RASGEF1C: variants seen among roughly 807,000 people sequenced by gnomAD.
RASGEF1C encodes the protein RasGEF domain family member 1C.
A neutral mutation model predicts 58.1 loss-of-function variants in RASGEF1C; 27 were observed. The observed-to-expected ratio is 0.46, with a 90% CI of 0.34 to 0.64. The LOEUF is 0.64. Ranked by LOEUF, RASGEF1C falls within the 30% of genes least tolerant of loss-of-function variation. RASGEF1C has a pLI of 0.01. For missense variants in RASGEF1C, 502 were observed against 605.1 expected (o/e 0.83, Z 1.79); for synonymous variants, 243 against 246.3 (o/e 0.99, Z 0.13).
At chr5:180,104,165 G>T (rs1417570924) in intron 12 of RASGEF1C, among the ~76,000 whole-genome samples, 1 of 152,074 alleles carries the variant, frequency 6.6e-6, no homozygotes, top group East Asian at 1.9e-4. Flanking sequence ...TTAGTATCAG[G>T]GTAATACTGG....
intron 1 of RASGEF1C, among the ~76,000 whole-genome samples, chr5:180,140,931 T>G (rs10067359): frequency 0.94 from 142,847 of 152,224 alleles, 67,721 homozygotes; most frequent in East Asian, 1. Context: ...CTCCTGGAAG[T>G]GTAGTGGGGA....
chr5:180,144,992 A>G (rs1766641598), intron 1 of RASGEF1C, among the ~76,000 whole-genome samples: 1 of 152,208 alleles, frequency 6.6e-6, no homozygotes, highest in South Asian at 2.1e-4. Context: ...TTCCTTTTTA[A>G]GGCTGAATAC....
chr5:180,124,506 A>T (rs1267457122), intron 6 of RASGEF1C, among the ~76,000 whole-genome samples: 1 of 152,248 alleles, frequency 6.6e-6, no homozygotes, highest in African/African-American at 2.4e-5. Context: ...CGTTTATCTC[A>T]GAAATGCAAA....
In RASGEF1C at chr5:180,139,618, C is replaced by T. The variant is rs963279640; in HGVS notation, c.-6-1560G>A. Among the ~76,000 whole-genome samples the T allele has an allele frequency of 3.3e-5, 5 of 152,202 alleles. No homozygotes were observed. The East Asian group carries it at 7.7e-4, about 23-fold the overall frequency. ...GCCATGGTGACAGACAGCTTATTTT[C>T]GCCTCCCTGACAATGCTGTAAGTGT... On this transcript the variant is annotated intron_variant, in intron 1 of 13. Coordinates refer to ENST00000361132, the MANE Select transcript of RASGEF1C (RefSeq NM_175062.4).
At chr5:180,163,873 T>G (rs770535041) in intron 1 of RASGEF1C, among the ~76,000 whole-genome samples, 2 of 152,216 alleles carry the variant, frequency 1.3e-5, no homozygotes, top group African/African-American at 2.4e-5. Flanking sequence ...TGGAGATTTC[T>G]TTTTCTAAGA....
At chr5:180,124,447 C>T (rs1042282291) in intron 6 of RASGEF1C, among the ~76,000 whole-genome samples, 2 of 152,138 alleles carry the variant, frequency 1.3e-5, no homozygotes, top group African/African-American at 2.4e-5. Context: ...ATTAGCAAAC[C>T]AAATCCAGGG....
chr5:180,190,575 G>GA (rs1756146376), intron 1 of RASGEF1C, among the ~76,000 whole-genome samples: 1 of 145,878 alleles, frequency 6.9e-6, no homozygotes, highest in African/African-American at 2.5e-5. Context: ...ACTACTTGGG[G>GA]GGCTGTAGTA....
intron 1 of RASGEF1C, among the ~76,000 whole-genome samples, chr5:180,146,872 T>C (rs1033438147): frequency 4.6e-5 from 7 of 152,228 alleles, no homozygotes; most frequent in Non-Finnish European, 2.9e-5. Flanking sequence ...AGGAAAAGTT[T>C]GAGAAGCATT....
intron 10 of RASGEF1C, 77 bp downstream of exon 10, chr5:180,118,532 G>A (rs1042318646): frequency 7.7e-7 from 1 of 1,295,660 alleles, no homozygotes; most frequent in Non-Finnish European, 1.1e-6. Flanking sequence ...GGGGGCAGGA[G>A]CTGCAGCAAG....
chr5:180,174,604 ACG>A (rs1316320360), intron 1 of RASGEF1C, among the ~76,000 whole-genome samples: 1 of 112,692 alleles, frequency 8.9e-6, no homozygotes, highest in East Asian at 2.7e-4. Context: ...GTGTGTGTGC[ACG>A]CATGTGTGTG....
At chr5:180,176,811 C>G (rs562265224) in intron 1 of RASGEF1C, among the ~76,000 whole-genome samples, 1 of 152,190 alleles carries the variant, frequency 6.6e-6, no homozygotes, top group Non-Finnish European at 1.5e-5. Context: ...CCGCCTCGGC[C>G]TCCCAAAGTG....
intron 1 of RASGEF1C, among the ~76,000 whole-genome samples, chr5:180,148,881 C>T (rs1397729739): frequency 6.6e-6 from 1 of 152,112 alleles, no homozygotes; most frequent in Admixed American, 6.5e-5. Flanking sequence ...TTTAGTATTT[C>T]TCCTAGGTAG....
At position 180,117,304 on chromosome 5, in the gene RASGEF1C, C is replaced by T. The variant is rs541442183; in HGVS notation, c.1083+1305G>A. The stretch of plus-strand genomic sequence containing the variant: ...CCTTGGGTGGAGGGCCAAGAAGGCC[C>T]GGCAGGTGGCACAAGCGTGCACACC... On this transcript the variant is annotated intron_variant, in intron 10 of 13. Coordinates refer to ENST00000361132, the MANE Select transcript of RASGEF1C (RefSeq NM_175062.4). 7.9e-5 allele frequency among the ~76,000 whole-genome samples: 12 copies of T among 152,318 alleles called. No individual in the cohort carries two copies. The South Asian group carries it at 1.2e-3, about 16-fold the overall frequency.
Position 180,118,518 on chromosome 5 carries a change from T to C in RASGEF1C, c.1083+91A>G, listed in dbSNP as rs114977215. On this transcript the variant is annotated intron_variant, in intron 10 of 13. Transcript: ENST00000361132. ...AGACCTGGCTGTCTATTACTGATGC[T>C]GCAGGGGGCAGGAGCTGCAGCAAGT... 6.4e-3 allele frequency: 7,652 copies of C among 1,194,056 alleles called. 365 individuals carry two copies. The African/African-American group carries it at 0.1, about 16-fold the overall frequency. 74.0% of individuals were successfully genotyped at this position (1,194,056 alleles called of 1,614,324 possible). A position where few individuals can be genotyped will look rare whatever the true frequency, so the allele number is the denominator to read the frequency against.
Position 180,137,829 on chromosome 5 carries a change from G to GT in RASGEF1C, c.177+46dup. ...CGCCCAACCCTGATGCCCCCCGTGC[G>GT]TGGTGGAGGAGAGCCCACTCTCCTG... On this transcript the variant is annotated intron_variant, in intron 2 of 13. Coordinates refer to ENST00000361132, the MANE Select transcript of RASGEF1C (RefSeq NM_175062.4). The surrounding 1 kb of genome is among the most constrained non-coding windows in gnomAD (Gnocchi z 4.1). 1 of 1,604,404 alleles carries GT rather than the reference G, an allele frequency of 6.2e-7. No individual in the cohort carries two copies. The highest frequency in any genetic ancestry group is 1.3e-5 in the African/African-American group (1 of 74,936).
intron 1 of RASGEF1C, among the ~76,000 whole-genome samples, chr5:180,186,099 C>T (rs1184251149): frequency 3.5e-5 from 2 of 57,142 alleles, no homozygotes; most frequent in Admixed American, 2.9e-4. Flanking sequence ...CCTATCTCCA[C>T]AGAAAAAAAA....
intron 1 of RASGEF1C, among the ~76,000 whole-genome samples, chr5:180,154,553 TGACTGGTG>T: frequency 6.6e-6 from 1 of 151,166 alleles, no homozygotes; most frequent in Admixed American, 6.6e-5. Flanking sequence ...TACCAGCTGC[TGACTGGTG>T]GACTGGGCTG....
rs2113229835 is a variant in RASGEF1C, at chr5:180,101,502, C to T, written c.1400G>A (p.Ter467=). 1 of 1,611,908 alleles carries T rather than the reference C, an allele frequency of 6.2e-7. No homozygotes were observed. The highest frequency in any genetic ancestry group is 8.5e-7 in the Non-Finnish European group (1 of 1,179,950). The part of the protein sequence containing the change: ...ALRSSILGKT[*] ...TCCTCGTCCCTCAGCTCAGCGCTTT[C>T]ATGTCTTCCCCAAAATAGAAGATCT... The change falls in exon 14 of 14, where the codon TGA becomes TAA. Residue 467 remains the stop codon, a stop_retained_variant. Transcript: ENST00000361132.
intron 1 of RASGEF1C, among the ~76,000 whole-genome samples, chr5:180,162,008 C>T (rs902385480): frequency 3.9e-5 from 6 of 152,236 alleles, no homozygotes; most frequent in African/African-American, 1.4e-4. Context: ...AAGTTTGAGA[C>T]AAATTCATCA....
Sources: allele counts gnomAD v4.1 joint callset (sites outside exome capture counted in the v4.1 genomes callset), GRCh38; gene constraint gnomAD v4.1.1; non-coding constraint Gnocchi (gnomAD v3.1); transcripts MANE v1.5; gene names NCBI Gene and HGNC (gene_info 2026-07-23, HGNC 2026-07-21).